The following PARD3B variants were observed in gnomAD, a reference collection of about 807,000 sequenced individuals.
PARD3B encodes the protein par-3 family cell polarity regulator beta, also known as partitioning defective 3 homolog B.
PARD3B carries 103 observed loss-of-function variants against 130.2 expected under a neutral mutation model. That is an observed-to-expected ratio of 0.79 (90% CI 0.67 to 0.93). The LOEUF is 0.93. Ranked by LOEUF, PARD3B falls within the 40% of genes least tolerant of loss-of-function variation. The pLI, the probability that PARD3B is intolerant of heterozygous loss-of-function variation, is 0.00. For missense variants in PARD3B, 1,609 were observed against 1,499.2 expected, an observed-to-expected ratio of 1.07 and a Z score of -1.21; for synonymous variants, 583 against 553.2, an observed-to-expected ratio of 1.05 and a Z score of -0.76.
At chr2:204,901,927 G>GTC (rs1295065727) in intron 2 of PARD3B, among the ~76,000 whole-genome samples, 5 of 152,092 alleles carry the variant, frequency 3.3e-5, no homozygotes, top group South Asian at 4.1e-4. Context: ...GGTCTCAGGA[G>GTC]TCTGCCTAGT....
intron 18 of PARD3B, among the ~76,000 whole-genome samples, chr2:205,305,807 C>T (rs888478316): frequency 1.3e-4 from 20 of 152,114 alleles, no homozygotes; most frequent in African/African-American, 4.6e-4. Context: ...TTAGATGTAA[C>T]ATGGTTAGAC....
intron 18 of PARD3B, among the ~76,000 whole-genome samples, chr2:205,336,729 T>C (rs905340289): frequency 6.6e-6 from 1 of 152,334 alleles, no homozygotes; most frequent in Admixed American, 6.5e-5. Context: ...AAGCAGGTAA[T>C]TATGTTACAG....
At chr2:204,995,346 G>A (rs1257904716) in intron 3 of PARD3B, among the ~76,000 whole-genome samples, 3 of 147,266 alleles carry the variant, frequency 2.0e-5, no homozygotes, top group Non-Finnish European at 4.5e-5. Context: ...ATGAAGCTTA[G>A]TTTGGCTGGA....
At chr2:204,653,162 A>G (rs1204344678) in intron 1 of PARD3B, among the ~76,000 whole-genome samples, 1 of 150,848 alleles carries the variant, frequency 6.6e-6, no homozygotes, top group East Asian at 1.9e-4. Context: ...AAGAATAACT[A>G]TTGAGTACTA....
intron 1 of PARD3B, among the ~76,000 whole-genome samples, chr2:204,649,070 T>G (rs977548292): frequency 5.3e-5 from 7 of 133,146 alleles, no homozygotes; most frequent in Non-Finnish European, 9.3e-5. Flanking sequence ...ATTTATAATA[T>G]ATATCATATA....
chr2:205,517,302 C>A (rs1306408053), intron 21 of PARD3B, among the ~76,000 whole-genome samples: 20 of 152,122 alleles, frequency 1.3e-4, no homozygotes, highest in African/African-American at 4.8e-4. Flanking sequence ...AGGAGTTTCT[C>A]TTGAGAGGGT....
intron 3 of PARD3B, among the ~76,000 whole-genome samples, chr2:204,976,919 GAT>G (rs1192457193): frequency 6.6e-6 from 1 of 152,026 alleles, no homozygotes; most frequent in Non-Finnish European, 1.5e-5. Context: ...CCATGCAACT[GAT>G]ATTTTGATCT....
intron 13 of PARD3B, among the ~76,000 whole-genome samples, chr2:205,184,761 AAT>A (rs751021334): frequency 2.0e-5 from 3 of 150,986 alleles, no homozygotes; most frequent in African/African-American, 7.3e-5. Context: ...AATAATAATA[AAT>A]ATATACACAC....
At chr2:204,983,839 A>G (rs1692894908) in intron 3 of PARD3B, among the ~76,000 whole-genome samples, 1 of 152,124 alleles carries the variant, frequency 6.6e-6, no homozygotes. Flanking sequence ...GCTTACTATT[A>G]TTTGTCCAAT....
In PARD3B at chr2:205,321,540, A is replaced by G. The variant is rs1267801453; in HGVS notation, c.2630+19839A>G. On this transcript the variant is annotated intron_variant, in intron 18 of 22. Transcript: ENST00000406610. The surrounding 1 kb of genome is among the most constrained non-coding windows in gnomAD (Gnocchi z 4.2). Reference sequence around the variant, plus strand: ...TATGCACAAATGCAGGCATGCATGCATTTTTCTCTTAATAACTTAACAGTG... The same window carrying G: ...TATGCACAAATGCAGGCATGCATGCGTTTTTCTCTTAATAACTTAACAGTG... 6.6e-6 allele frequency among the ~76,000 whole-genome samples: 1 copy of G among 151,416 alleles called. No homozygotes were observed. The highest frequency in any genetic ancestry group is 6.6e-5 in the Admixed American group (1 of 15,180).
intron 18 of PARD3B, among the ~76,000 whole-genome samples, chr2:205,354,287 TTA>T (rs199632344): frequency 4.0e-5 from 6 of 151,654 alleles, no homozygotes; most frequent in Admixed American, 6.6e-5. Flanking sequence ...CCCCGTTCAG[TTA>T]CCGGTCAGGG....
intron 2 of PARD3B, among the ~76,000 whole-genome samples, chr2:204,938,394 G>C (rs980905236): frequency 6.6e-6 from 1 of 152,130 alleles, no homozygotes; most frequent in East Asian, 1.9e-4. Flanking sequence ...TTCCCTCTGC[G>C]TGGAATTCCA....
intron 1 of PARD3B, among the ~76,000 whole-genome samples, chr2:204,576,397 T>C (rs530659562): frequency 1.3e-5 from 2 of 152,316 alleles, no homozygotes; most frequent in Admixed American, 1.3e-4. Flanking sequence ...TTACTTTTCT[T>C]ATGGCAGTAT....
intron 2 of PARD3B, among the ~76,000 whole-genome samples, chr2:204,739,801 T>C (rs1027465745): frequency 6.6e-6 from 1 of 152,124 alleles, no homozygotes; most frequent in Admixed American, 6.6e-5. Flanking sequence ...GATAAACAGT[T>C]ATTTTTATCG....
chr2:205,618,807 T>C lies in PARD3B; in HGVS notation c.*2994T>C, dbSNP rs1457370229. 6.6e-6 allele frequency: 1 copy of C among 152,116 alleles called. No individual in the cohort carries two copies. Among genetic ancestry groups the C allele is most frequent in the Admixed American group, 6.6e-5 (1 of 15,262 alleles). 9.4% of individuals were successfully genotyped at this position (152,116 alleles called of 1,614,324 possible). The stretch of plus-strand genomic sequence containing the variant: ...CCCCAGAATCCATTATGCCATCGGG[T>C]TGTGGCACTCTCACCCTTGCCATAA... On this transcript the variant is annotated 3_prime_UTR_variant, in exon 23 of 23. Coordinates refer to ENST00000406610, the MANE Select transcript of PARD3B (RefSeq NM_001302769.2).
intron 16 of PARD3B, among the ~76,000 whole-genome samples, chr2:205,262,999 C>A (rs2040372876): frequency 6.6e-6 from 1 of 151,946 alleles, no homozygotes; most frequent in Non-Finnish European, 1.5e-5. Context: ...GGCATAGAAT[C>A]CTACCAAAAG....
At chr2:205,180,204 T>C (rs889421139) in intron 13 of PARD3B, among the ~76,000 whole-genome samples, 1 of 151,078 alleles carries the variant, frequency 6.6e-6, no homozygotes, top group Non-Finnish European at 1.5e-5. Context: ...CATACTAGAT[T>C]ATAAAATTTA....
chr2:205,331,265 C>CCACACA (rs56170026), intron 18 of PARD3B, among the ~76,000 whole-genome samples: 86,661 of 148,510 alleles, frequency 0.58, 26,482 homozygotes, highest in South Asian at 0.72. Flanking sequence ...CACATATATT[C>CCACACA]CACACACACA....
At chr2:204,711,331 T>A (rs2038422778) in intron 2 of PARD3B, among the ~76,000 whole-genome samples, 1 of 152,092 alleles carries the variant, frequency 6.6e-6, no homozygotes, top group Non-Finnish European at 1.5e-5. Flanking sequence ...AGACTCTAGA[T>A]TGATTTTTAT....
Sources: gnomAD v4.1 joint callset for allele counts (sites outside exome capture counted in the v4.1 genomes callset) on GRCh38, gnomAD v4.1.1 for gene constraint, Gnocchi (gnomAD v3.1) non-coding constraint, MANE v1.5 for transcripts, NCBI Gene and HGNC (gene_info 2026-07-23, HGNC 2026-07-21) for gene names.